The following RNGTT variants were observed in gnomAD, a reference collection of about 807,000 sequenced individuals.
RNGTT encodes the protein RNA guanylyltransferase and 5'-phosphatase, also known as mRNA-capping enzyme.
In RNGTT, 33 loss-of-function variants were observed where a neutral mutation model predicts 79.3. The observed-to-expected ratio is 0.42, with a 90% CI of 0.32 to 0.56. RNGTT has a LOEUF of 0.56. Ranked by LOEUF, RNGTT falls within the 20% of genes least tolerant of loss-of-function variation. RNGTT has a pLI of 0.17. For missense variants in RNGTT, 497 were observed against 739.1 expected (o/e 0.67, Z 3.80); for synonymous variants, 222 against 235.9 (o/e 0.94, Z 0.54).
chr6:88,738,738 G>A (rs1344201484), intron 13 of RNGTT, among the ~76,000 whole-genome samples: 1 of 151,904 alleles, frequency 6.6e-6, no homozygotes, highest in African/African-American at 2.4e-5. Context: ...TGTTTGTGGG[G>A]GGCCCAAGAG....
intron 12 of RNGTT, among the ~76,000 whole-genome samples, chr6:88,798,401 G>C (rs1269816649): frequency 2.0e-5 from 3 of 151,884 alleles, no homozygotes; most frequent in Non-Finnish European, 4.4e-5. Flanking sequence ...GGAGGTCGAG[G>C]CTGCAGTAAG....
intron 4 of RNGTT, among the ~76,000 whole-genome samples, chr6:88,920,999 A>G (rs1784147010): frequency 6.6e-6 from 1 of 152,222 alleles, no homozygotes; most frequent in Admixed American, 6.5e-5. Context: ...TATTTCTTAT[A>G]GTATTACTGT....
intron 13 of RNGTT, among the ~76,000 whole-genome samples, chr6:88,699,515 C>G (rs1775872637): frequency 1.3e-5 from 2 of 151,966 alleles, no homozygotes; most frequent in African/African-American, 4.8e-5. Context: ...GAGACCTCGT[C>G]TCTACAAAAA....
rs201179789 is a variant in RNGTT, at chr6:88,613,683, GAAC to G, written c.1630+586_1630+588del. ...TCAACTCCACTAAAAATGCAATCCA[GAAC>G]AACAACTGCTACTGGTAGTGGTATA... is the stretch of plus-strand genomic sequence containing the variant. On this transcript the variant is annotated intron_variant, in intron 15 of 15. Transcript: ENST00000369485. 8.6e-3 allele frequency among the ~76,000 whole-genome samples: 1,307 copies of G among 152,200 alleles called. 17 individuals are homozygous for G. Among genetic ancestry groups the G allele is most frequent in the African/African-American group, 0.03 (1,225 of 41,520 alleles).
At chr6:88,693,446 A>C (rs1396123544) in intron 13 of RNGTT, among the ~76,000 whole-genome samples, 1 of 152,168 alleles carries the variant, frequency 6.6e-6, no homozygotes, top group East Asian at 1.9e-4. Flanking sequence ...CAAACCAATT[A>C]CAAGTAAGGA....
At chr6:88,642,206 A>G (rs1284718189) in intron 14 of RNGTT, among the ~76,000 whole-genome samples, 1 of 152,212 alleles carries the variant, frequency 6.6e-6, no homozygotes, top group East Asian at 1.9e-4. Context: ...GCTGACAGCA[A>G]ATCACTAACT....
intron 13 of RNGTT, among the ~76,000 whole-genome samples, chr6:88,753,143 T>A (rs550297723): frequency 6.6e-6 from 1 of 152,246 alleles, no homozygotes; most frequent in African/African-American, 2.4e-5. Context: ...AATTACACCA[T>A]AATGGAAACA....
intron 8 of RNGTT, among the ~76,000 whole-genome samples, chr6:88,854,591 C>G (rs1781779856): frequency 6.6e-6 from 1 of 152,190 alleles, no homozygotes. Context: ...GCTAATCCCT[C>G]TCTTTGAATC....
chr6:88,853,204 C>T (rs1391032171), intron 9 of RNGTT, among the ~76,000 whole-genome samples: 3 of 152,182 alleles, frequency 2.0e-5, no homozygotes, highest in Admixed American at 1.3e-4. Context: ...TGAAATTTAA[C>T]ATCCTAATAA....
intron 12 of RNGTT, among the ~76,000 whole-genome samples, chr6:88,795,990 T>C (rs1017249719): frequency 6.6e-6 from 1 of 152,034 alleles, no homozygotes; most frequent in African/African-American, 2.4e-5. Flanking sequence ...ATACAAGAAA[T>C]GGGAAACAAT....
chr6:88,831,375 G>A (rs1397920325), intron 11 of RNGTT, among the ~76,000 whole-genome samples: 2 of 152,098 alleles, frequency 1.3e-5, no homozygotes, highest in Non-Finnish European at 2.9e-5. Context: ...AAAGGCCTTC[G>A]ATAAAATTCA....
In RNGTT at chr6:88,884,602, T is replaced by C. The variant is rs141944435; in HGVS notation, c.896+5893A>G. Among the ~76,000 whole-genome samples, 365 of 152,272 alleles carry C rather than the reference T, an allele frequency of 2.4e-3. 2 individuals are homozygous for C. The highest frequency in any genetic ancestry group is 3.8e-3 in the Non-Finnish European group (261 of 68,004). On this transcript the variant is annotated intron_variant, in intron 8 of 15. Transcript: ENST00000369485. ...GGAGAAAGTAACATTTCTCAGAGCATACTCTGAATCATAGTAGAGTTTCAC... is the reference window on the plus strand; with the variant it reads ...GGAGAAAGTAACATTTCTCAGAGCACACTCTGAATCATAGTAGAGTTTCAC...
chr6:88,840,419 C>CA (rs1781237462), intron 11 of RNGTT, among the ~76,000 whole-genome samples: 1 of 152,118 alleles, frequency 6.6e-6, no homozygotes, highest in Non-Finnish European at 1.5e-5. Flanking sequence ...TATTTCGAGA[C>CA]AGTGTCCCAC....
intron 10 of RNGTT, among the ~76,000 whole-genome samples, chr6:88,844,965 T>A (rs1781439719): frequency 6.6e-6 from 1 of 152,044 alleles, no homozygotes; most frequent in Non-Finnish European, 1.5e-5. Flanking sequence ...ATTTCACATC[T>A]GAATTAAAGT....
At chr6:88,824,276 A>G (rs1206637244) in intron 11 of RNGTT, among the ~76,000 whole-genome samples, 1 of 152,200 alleles carries the variant, frequency 6.6e-6, no homozygotes, top group African/African-American at 2.4e-5. Context: ...TATTGCTCCT[A>G]GGCTACAAAC....
chr6:88,904,497 T>C (rs905045535), intron 6 of RNGTT, among the ~76,000 whole-genome samples: 3 of 151,948 alleles, frequency 2.0e-5, no homozygotes, highest in African/African-American at 7.3e-5. Flanking sequence ...GGAGGATCAC[T>C]TGAGCCCAGA....
intron 14 of RNGTT, among the ~76,000 whole-genome samples, chr6:88,629,380 A>G (rs1034602390): frequency 1.3e-5 from 2 of 152,206 alleles, no homozygotes; most frequent in African/African-American, 4.8e-5. Flanking sequence ...GCCTGCAGGT[A>G]AAATACGTGC....
intron 14 of RNGTT, among the ~76,000 whole-genome samples, chr6:88,649,955 C>T (rs1773735383): frequency 6.6e-6 from 1 of 152,114 alleles, no homozygotes; most frequent in Admixed American, 6.5e-5. Context: ...TTCAAATGAA[C>T]AGAATTGTCT....
intron 9 of RNGTT, 118 bp downstream of exon 9, chr6:88,853,504 CAAAAAAA>C: frequency 2.3e-6 from 1 of 437,772 alleles, no homozygotes; most frequent in Non-Finnish European, 3.6e-6. Context: ...GACTCCGTCT[CAAAAAAA>C]AAAAAAAAAA....
Sources: allele counts gnomAD v4.1 joint callset (sites outside exome capture counted in the v4.1 genomes callset), GRCh38; gene constraint gnomAD v4.1.1; transcripts MANE v1.5; gene names NCBI Gene and HGNC (gene_info 2026-07-23, HGNC 2026-07-21).